NAV2: variants seen among roughly 807,000 people sequenced by gnomAD.
NAV2 encodes neuron navigator 2, also known as helicase, APC down-regulated 1.
NAV2 carries 54 observed loss-of-function variants against 223.2 expected under a neutral mutation model. The observed-to-expected ratio is 0.24, with a 90% CI of 0.19 to 0.30. The LOEUF (loss-of-function observed/expected upper bound fraction) is 0.30. Ranked by LOEUF, NAV2 falls within the 10% of genes least tolerant of loss-of-function variation. The probability of loss-of-function intolerance (pLI) is 1.00; values close to 1 mark genes in which losing one functional copy is unlikely to be tolerated. For missense variants in NAV2, 2,806 were observed against 3,147.5 expected (o/e 0.89, Z 2.60); for synonymous variants, 1,279 against 1,239.3 (o/e 1.03, Z -0.67).
rs564187977 is a variant in NAV2, at chr11:19,830,098, A to G, written c.268-2386A>G. Among the ~76,000 whole-genome samples, 27 of 152,128 alleles carry G rather than the reference A, an allele frequency of 1.8e-4. No homozygotes were observed. In the South Asian group the frequency reaches 5.6e-3, roughly 32 times the overall value. On this transcript the variant is annotated intron_variant, in intron 1 of 37. Coordinates refer to ENST00000349880, the MANE Select transcript of NAV2 (RefSeq NM_145117.5). Reference sequence around the variant, plus strand: ...AAATTAGCCAAGCGTGGTGGCATGCACCTGTAATCCCAGCTACTTGGGAGG... The same window carrying G: ...AAATTAGCCAAGCGTGGTGGCATGCGCCTGTAATCCCAGCTACTTGGGAGG...
chr11:19,764,254 G>A (rs1405629295), intron 1 of NAV2, among the ~76,000 whole-genome samples: 1 of 152,156 alleles, frequency 6.6e-6, no homozygotes, highest in Admixed American at 6.5e-5. Flanking sequence ...TGATAAGCAT[G>A]CATTTTATAA....
chr11:19,600,468 C>T (rs746173914), intron 1 of NAV2, among the ~76,000 whole-genome samples: 1 of 152,222 alleles, frequency 6.6e-6, no homozygotes, highest in Non-Finnish European at 1.5e-5. Flanking sequence ...TACCTATAAC[C>T]TCTAGCCAGT....
upstream of NAV2, chr11:19,350,720 T>G (rs902406796): frequency 4.7e-5 from 26 of 549,648 alleles, no homozygotes; most frequent in Admixed American, 1.8e-4. Flanking sequence ...CCCCAAGACT[T>G]AGCTCTCATG....
chr11:19,841,668 T>A, intron 2 of NAV2, among the ~76,000 whole-genome samples: 1 of 152,138 alleles, frequency 6.6e-6, no homozygotes, highest in Admixed American at 6.5e-5. Context: ...GAGTGTATCT[T>A]TCCCTTCTGT....
chr11:19,611,713 C>T (rs139304640), intron 1 of NAV2, among the ~76,000 whole-genome samples: 1,882 of 152,274 alleles, frequency 0.012, 41 homozygotes, highest in African/African-American at 0.043. Flanking sequence ...CAGCTCCACC[C>T]CTGTGGCTTT....
chr11:20,110,818 C>G (rs981111629), intron 36 of NAV2, among the ~76,000 whole-genome samples: 1 of 152,196 alleles, frequency 6.6e-6, no homozygotes, highest in African/African-American at 2.4e-5. Flanking sequence ...TCACCTAACC[C>G]GGGTAAGTGG....
At position 20,077,383 on chromosome 11, in the gene NAV2, A is replaced by T. The variant is rs545020257; in HGVS notation, c.4984-169A>T. On this transcript the variant is annotated intron_variant, in intron 22 of 37. Coordinates refer to ENST00000349880, the MANE Select transcript of NAV2 (RefSeq NM_145117.5). ...CACGGGTTGTTTGAGCAAGTAGAAG[A>T]CTGGAGTGACTGGATCCCAAAGAGT... Among the ~76,000 whole-genome samples, 8 of 152,176 alleles carry T rather than the reference A, an allele frequency of 5.3e-5. No homozygotes were observed. In the South Asian group the frequency reaches 1.7e-3, roughly 32 times the overall value.
At chr11:19,876,594 A>C (rs2062844638) in intron 4 of NAV2, among the ~76,000 whole-genome samples, 1 of 152,230 alleles carries the variant, frequency 6.6e-6, no homozygotes, top group African/African-American at 2.4e-5. Flanking sequence ...AATGAAAAAA[A>C]TGGTTTAGGG....
intron 1 of NAV2, among the ~76,000 whole-genome samples, chr11:19,625,389 T>G (rs1482989857): frequency 6.6e-6 from 1 of 152,256 alleles, no homozygotes; most frequent in African/African-American, 2.4e-5. Context: ...AGAATTTCAT[T>G]TCTTTTTTAT....
At chr11:19,626,088 C>G (rs1476217417) in intron 1 of NAV2, among the ~76,000 whole-genome samples, 1 of 152,098 alleles carries the variant, frequency 6.6e-6, no homozygotes, top group African/African-American at 2.4e-5. Flanking sequence ...CTTTTGAGGT[C>G]TTATTCATAA....
At chr11:19,574,921 T>C (rs763492975) in intron 1 of NAV2, among the ~76,000 whole-genome samples, 22 of 152,122 alleles carry the variant, frequency 1.4e-4, no homozygotes, top group South Asian at 4.1e-4. Flanking sequence ...CCATACTCAA[T>C]TGGGCGAAGG....
At chr11:19,665,293 T>A (rs967491037) in intron 1 of NAV2, among the ~76,000 whole-genome samples, 1 of 152,218 alleles carries the variant, frequency 6.6e-6, no homozygotes, top group African/African-American at 2.4e-5. Flanking sequence ...GATCCTCTTT[T>A]ACTCCCACAG....
At chr11:19,855,478 A>G (rs1476803372) in intron 3 of NAV2, among the ~76,000 whole-genome samples, 4 of 152,172 alleles carry the variant, frequency 2.6e-5, no homozygotes, top group Non-Finnish European at 5.9e-5. Context: ...GACTTTTCCT[A>G]TTTCAGTAGC....
chr11:19,411,200 G>C (rs1211499366), intron 1 of NAV2, among the ~76,000 whole-genome samples: 2 of 152,198 alleles, frequency 1.3e-5, no homozygotes, highest in African/African-American at 4.8e-5. Context: ...AGGTGATGCT[G>C]CTGCTCTGGG....
Position 20,045,350 on chromosome 11 carries a change from G to C in NAV2, c.3582G>C (p.Pro1194=). The C allele has an allele frequency of 1.2e-6, 2 of 1,614,162 alleles. No homozygotes were observed. Among genetic ancestry groups the C allele is most frequent in the Non-Finnish European group, 8.5e-7 (1 of 1,180,022 alleles). ...SRTNLQYRSL[P]RPSKSNSRNG... ...CAAACCTTCAGTACCGGAGTTTGCC[G>C]AGGCCCAGTAAGTCCAACAGCCGGA... is the stretch of plus-strand genomic sequence containing the variant. The change falls in exon 14 of 38, where the codon CCG becomes CCC. Residue 1194 remains proline, a synonymous_variant. Coordinates refer to ENST00000349880, the MANE Select transcript of NAV2 (RefSeq NM_145117.5).
At position 19,372,568 on chromosome 11, in the gene NAV2, C is replaced by T. The variant is rs185530143; in HGVS notation, c.75+21541C>T. On this transcript the variant is annotated intron_variant, in intron 1 of 37. Transcript: ENST00000360655. ...TCCTCCCTCCAGATGTCTGGGGGTG[C>T]TTGCAGAGGGGAGCAGTGGGGTCTC... 6.9e-4 allele frequency among the ~76,000 whole-genome samples: 105 copies of T among 152,274 alleles called. 1 individual carries two copies. The highest frequency in any genetic ancestry group is 2.4e-3 in the African/African-American group (100 of 41,572).
intron 1 of NAV2, among the ~76,000 whole-genome samples, chr11:19,365,398 G>T (rs751368383): frequency 6.6e-6 from 1 of 152,194 alleles, no homozygotes; most frequent in Non-Finnish European, 1.5e-5. Context: ...ATGCACTGTG[G>T]TCAAAATGAT....
chr11:19,742,756 T>C (rs1414672992), intron 1 of NAV2, among the ~76,000 whole-genome samples: 1 of 152,218 alleles, frequency 6.6e-6, no homozygotes, highest in Non-Finnish European at 1.5e-5. Context: ...CCTCTGCCCT[T>C]GTCCAAGCCA....
At chr11:19,347,029 C>T (rs1257341875), upstream of NAV2, among the ~76,000 whole-genome samples, 1 of 152,176 alleles carries the variant, frequency 6.6e-6, no homozygotes, top group African/African-American at 2.4e-5. Context: ...GGCCCCCAAC[C>T]CTCCAACCTT....
Sources: allele counts gnomAD v4.1 joint callset (sites outside exome capture counted in the v4.1 genomes callset), GRCh38; gene constraint gnomAD v4.1.1; transcripts MANE v1.5; gene names NCBI Gene and HGNC (gene_info 2026-07-23, HGNC 2026-07-21).